The following ASPHD1 variants were observed in gnomAD, a reference collection of about 807,000 sequenced individuals.
The protein encoded by ASPHD1 is aspartate beta-hydroxylase domain containing 1.
Under a neutral mutation model 28.3 loss-of-function variants are expected in ASPHD1, and 20 were observed. The observed-to-expected ratio is 0.71, with a 90% CI of 0.50 to 1.03. ASPHD1 has a LOEUF of 1.03. Ranked by LOEUF, ASPHD1 falls within the 50% of genes least tolerant of loss-of-function variation. The pLI is 0.00. For synonymous variants in ASPHD1, 240 were observed against 221.2 expected, an observed-to-expected ratio of 1.08 and a Z score of -0.75; for missense variants, 479 against 524.1, an observed-to-expected ratio of 0.91 and a Z score of 0.84.
At chr16:29,904,505 A>G (rs754444309) in intron 1 of ASPHD1, among the ~76,000 whole-genome samples, 1 of 151,756 alleles carries the variant, frequency 6.6e-6, no homozygotes, top group Non-Finnish European at 1.5e-5. Context: ...TAATCCCAGC[A>G]GCTACTCAGG....
intron 2 of ASPHD1, 41 bp downstream of exon 2, chr16:29,905,006 G>A: frequency 6.9e-7 from 1 of 1,456,944 alleles, no homozygotes; most frequent in East Asian, 2.3e-5. Context: ...GAGGGACTCA[G>A]GAGCAAAGGA....
chr16:29,907,200 C>T, downstream of ASPHD1: 1 of 855,542 alleles, frequency 1.2e-6, no homozygotes, highest in Non-Finnish European at 1.8e-6. Context: ...AACACACCTC[C>T]TAGCCCTGCA....
intron 3 of ASPHD1, chr16:29,912,189 G>A (rs4548895): frequency 0.56 from 373,222 of 662,724 alleles, 107,238 homozygotes; most frequent in Non-Finnish European, 0.6. Context: ...AGCTCCGCCA[G>A]CCTCTCTGCC....
intron 3 of ASPHD1, chr16:29,913,894 A>G (rs961939148): frequency 6.6e-6 from 1 of 152,158 alleles, no homozygotes; most frequent in Non-Finnish European, 1.5e-5. Flanking sequence ...CAGTGGCGTA[A>G]TATCGGCTCA....
In ASPHD1 at chr16:29,900,609, G is replaced by A. The variant is rs1046130546; in HGVS notation, c.-363G>A. On this transcript the variant is annotated 5_prime_UTR_variant, in exon 1 of 3. Transcript: ENST00000308748. Reference sequence around the variant, plus strand: ...AAGGAGCGAGTAGGAGAGAGGGAGCGAGAGCCAGGCAGGACCGCAGGGTCG... The same window carrying A: ...AAGGAGCGAGTAGGAGAGAGGGAGCAAGAGCCAGGCAGGACCGCAGGGTCG... 4 of 304,512 alleles carry A rather than the reference G, an allele frequency of 1.3e-5. No homozygotes were observed. Among genetic ancestry groups the A allele is most frequent in the Non-Finnish European group, 2.5e-5 (4 of 162,802 alleles). 18.9% of individuals were successfully genotyped at this position (304,512 alleles called of 1,614,324 possible). A position where few individuals can be genotyped will look rare whatever the true frequency, so the allele number is the denominator to read the frequency against.
At chr16:29,911,322 G>A (rs2068704732) in intron 3 of ASPHD1, 3 of 647,144 alleles carry the variant, frequency 4.6e-6, no homozygotes, top group East Asian at 2.7e-5. Flanking sequence ...CTGGGGCCAG[G>A]CTAAACGGGT....
chr16:29,915,150 T>C (rs11646118), intron 3 of ASPHD1: 8,328 of 152,280 alleles, frequency 0.055, 309 homozygotes, highest in Non-Finnish European at 0.082. Context: ...ACCTCTTCCA[T>C]GAAAGATGTT....
chr16:29,913,121 A>ATTTTT, intron 3 of ASPHD1: 2 of 126,918 alleles, frequency 1.6e-5, no homozygotes, highest in East Asian at 2.1e-4. Context: ...TACTGAGGCC[A>ATTTTT]TTTTTTTTTT....
chr16:29,903,154 G>A (rs1198823177), intron 1 of ASPHD1, among the ~76,000 whole-genome samples: 1 of 151,582 alleles, frequency 6.6e-6, no homozygotes, highest in African/African-American at 2.4e-5. Flanking sequence ...CTGGGAGTTC[G>A]AGACCAGCTG....
chr16:29,910,096 T>TAA (rs529199170), downstream of ASPHD1, among the ~76,000 whole-genome samples: 12 of 110,432 alleles, frequency 1.1e-4, no homozygotes, highest in African/African-American at 2.7e-4. Flanking sequence ...AGACTCTGTC[T>TAA]AAAAAAAAAA....
At chr16:29,918,779 T>C (rs2068856469) in intron 3 of ASPHD1, among the ~76,000 whole-genome samples, 1 of 152,212 alleles carries the variant, frequency 6.6e-6, no homozygotes, top group Admixed American at 6.5e-5. Context: ...TGCCTCAGCC[T>C]CCTGAGTAGC....
At chr16:29,905,335 A>AGACAGCGCC (rs1183659507) in intron 2 of ASPHD1, among the ~76,000 whole-genome samples, 1 of 152,106 alleles carries the variant, frequency 6.6e-6, no homozygotes, top group African/African-American at 2.4e-5. Flanking sequence ...TTAAGAGTTG[A>AGACAGCGCC]TACATATCGG....
In ASPHD1 at chr16:29,901,001, G is replaced by A. The variant is rs1555511976; in HGVS notation, c.30G>A (p.Val10=). 9.0e-6 allele frequency: 14 copies of A among 1,561,708 alleles called. No individual in the cohort carries two copies. The highest frequency in any genetic ancestry group is 3.5e-5 in the South Asian group (3 of 85,232). The change falls in exon 1 of 3, where the codon GTG becomes GTA. Residue 10 remains valine (V), a synonymous_variant. Coordinates refer to ENST00000308748, the MANE Select transcript of ASPHD1 (RefSeq NM_181718.4). This position sits in a 1 kb window ranked among gnomAD's most constrained non-coding sequence, Gnocchi z 5.1. ...AGGAGGGGAGAGGGAGCTTCAGCGT[G>A]GAGAGAGGACCGCGGAAGGAGAGAG... MKEGRGSFS[V]ERGPRKERET... is the part of the protein sequence containing the mutation.
downstream of ASPHD1, chr16:29,906,595 C>T: frequency 1.6e-6 from 1 of 611,258 alleles, no homozygotes; most frequent in Non-Finnish European, 3.1e-6. Context: ...AATTCTAAAT[C>T]CCTCTTAACC....
chr16:29,905,867 C>T lies in ASPHD1; in HGVS notation c.1143C>T (p.Ala381=). The T allele has an allele frequency of 6.2e-7, 1 of 1,613,656 alleles. No individual in the cohort carries two copies. Among genetic ancestry groups the T allele is most frequent in the Non-Finnish European group, 8.5e-7 (1 of 1,179,808 alleles). The stretch of plus-strand genomic sequence containing the variant: ...ACGTGGCAGGGGCTGAGCGCCAGGC[C>T]CTCGACTTTGTCTTCGCCCCAGACC... ...HPNVAGAERQ[A]LDFVFAPDP The change falls in exon 3 of 3, where the codon GCC becomes GCT. Residue 381 remains alanine, a synonymous_variant. Transcript: ENST00000308748.
downstream of ASPHD1, among the ~76,000 whole-genome samples, chr16:29,910,089 C>A: frequency 7.1e-6 from 1 of 141,150 alleles, no homozygotes. Context: ...CAGAGTGAGA[C>A]TCTGTCTAAA....
chr16:29,901,748 G>C lies in ASPHD1; in HGVS notation c.777G>C (p.Arg259=), dbSNP rs561224019. ...AGCTCCTGCTGTACCAAGCAGGCCGGTGCCAACCCAGCAACTGCCGCCGGT... is the reference window on the plus strand; with the variant it reads ...AGCTCCTGCTGTACCAAGCAGGCCGCTGCCAACCCAGCAACTGCCGCCGGT... The part of the protein sequence containing the change: ...CYQLLLYQAG[R]CQPSNCRRCP... The change falls in exon 1 of 3, where the codon CGG becomes CGC. Residue 259 remains arginine (R), a synonymous_variant. Transcript: ENST00000308748. This position sits in a 1 kb window ranked among gnomAD's most constrained non-coding sequence, Gnocchi z 5.1. 1.3e-6 allele frequency: 2 copies of C among 1,551,846 alleles called. No homozygotes were observed. The highest frequency in any genetic ancestry group is 2.4e-5 in the South Asian group (2 of 82,472).
chr16:29,904,840 C>T lies in ASPHD1; in HGVS notation c.950-12C>T, dbSNP rs2068586732. The T allele has an allele frequency of 1.3e-6, 2 of 1,599,896 alleles. No homozygotes were observed. Among genetic ancestry groups the T allele is most frequent in the African/African-American group, 2.7e-5 (2 of 74,332 alleles). ...AGGCAGGAGTGCTGGATGCCCGCGT[C>T]TCTTCTTACAGGCCTAAAGATCCCT... On this transcript the variant is annotated splice_polypyrimidine_tract_variant and intron_variant, in intron 1 of 2. Transcript: ENST00000308748.
downstream of ASPHD1, among the ~76,000 whole-genome samples, chr16:29,908,746 A>G (rs1170630050): frequency 6.7e-6 from 1 of 149,086 alleles, no homozygotes; most frequent in Non-Finnish European, 1.5e-5. Context: ...TCTGTTGCCT[A>G]GGCTGGAGTG....
Sources: gnomAD v4.1 joint callset for allele counts (sites outside exome capture counted in the v4.1 genomes callset) on GRCh38, gnomAD v4.1.1 for gene constraint, Gnocchi (gnomAD v3.1) non-coding constraint, MANE v1.5 for transcripts, NCBI Gene and HGNC (gene_info 2026-07-23, HGNC 2026-07-21) for gene names.